DIP2C: variants seen among roughly 807,000 people sequenced by gnomAD.
DIP2C encodes disco-interacting protein 2 homolog C.
DIP2C carries 33 observed loss-of-function variants against 192.4 expected under a neutral mutation model. The observed-to-expected ratio is 0.17, with a 90% CI of 0.13 to 0.23. The LOEUF (loss-of-function observed/expected upper bound fraction) is 0.23. DIP2C is among the 10% of genes least tolerant of loss of function. The probability of loss-of-function intolerance (pLI) is 1.00; values close to 1 mark genes in which losing one functional copy is unlikely to be tolerated. For missense variants in DIP2C, 1,537 were observed against 2,110.1 expected (o/e 0.73, Z 5.32); for synonymous variants, 979 against 864.1 (o/e 1.13, Z -2.33).
chr10:493,241 T>C (rs1364006215), intron 1 of DIP2C, among the ~76,000 whole-genome samples: 1 of 152,186 alleles, frequency 6.6e-6, no homozygotes, highest in East Asian at 1.9e-4. Context: ...GCAAGCATAA[T>C]TTCTCCAGTG....
intron 1 of DIP2C, among the ~76,000 whole-genome samples, chr10:677,284 GGAAA>G (rs2119058437): frequency 6.6e-6 from 1 of 152,280 alleles, no homozygotes; most frequent in Non-Finnish European, 1.5e-5. Context: ...ACTGTGGGCA[GGAAA>G]GACACACTAG....
chr10:564,222 C>G (rs1849350992), intron 1 of DIP2C, among the ~76,000 whole-genome samples: 1 of 152,088 alleles, frequency 6.6e-6, no homozygotes, highest in Non-Finnish European at 1.5e-5. Flanking sequence ...TCCCCCCACC[C>G]CCGCACGTGG....
At chr10:378,087 T>C (rs944204025) in intron 17 of DIP2C, among the ~76,000 whole-genome samples, 4 of 152,182 alleles carry the variant, frequency 2.6e-5, no homozygotes, top group Middle Eastern at 3.2e-3. Flanking sequence ...CGCCTTGCAA[T>C]TTGTCCTTTA....
In DIP2C at chr10:580,428, C is replaced by T. The variant is rs369788710; in HGVS notation, c.86-93898G>A. 7.9e-5 allele frequency among the ~76,000 whole-genome samples: 12 copies of T among 152,254 alleles called. No individual in the cohort carries two copies. In the East Asian group the frequency reaches 2.1e-3, roughly 27 times the overall value. On this transcript the variant is annotated intron_variant, in intron 1 of 36. Transcript: ENST00000280886. ...CCCATATGGTGTATGTACACAGGTACATATATGGCGTTAAATACATGCATG... is the reference window on the plus strand; with the variant it reads ...CCCATATGGTGTATGTACACAGGTATATATATGGCGTTAAATACATGCATG...
intron 1 of DIP2C, among the ~76,000 whole-genome samples, chr10:544,509 C>CA (rs1457833574): frequency 2.6e-5 from 4 of 152,208 alleles, no homozygotes; most frequent in African/African-American, 4.8e-5. Context: ...GAGGAACTGC[C>CA]AGACTTTTCC....
At chr10:602,425 A>G (rs1852146901) in intron 1 of DIP2C, among the ~76,000 whole-genome samples, 1 of 152,188 alleles carries the variant, frequency 6.6e-6, no homozygotes, top group Non-Finnish European at 1.5e-5. Flanking sequence ...AACCTCACGC[A>G]CACTGAAGCA....
At chr10:559,278 C>T (rs1375512933) in intron 1 of DIP2C, among the ~76,000 whole-genome samples, 1 of 151,638 alleles carries the variant, frequency 6.6e-6, no homozygotes, top group African/African-American at 2.4e-5. Flanking sequence ...AGGGTCTAAC[C>T]AGGACAAGCC....
rs1447146221 is a variant in DIP2C at position 639,288 on chromosome 10, G to A, written c.85+50206C>T. Among the ~76,000 whole-genome samples, 9 of 141,780 alleles carry A rather than the reference G, an allele frequency of 6.3e-5. 1 individual carries two copies. The highest frequency in any genetic ancestry group is 2.2e-4 in the South Asian group (1 of 4,448). 93.0% of individuals were successfully genotyped at this position (141,780 alleles called of 152,430 possible). Reference sequence around the variant, plus strand: ...CGGCTCACGGTCCACACGTGGGGACGCGTCAGGTCGGGAGGGTGCTGCCCG... The same window carrying A: ...CGGCTCACGGTCCACACGTGGGGACACGTCAGGTCGGGAGGGTGCTGCCCG... On this transcript the variant is annotated intron_variant, in intron 1 of 36. Coordinates refer to ENST00000280886, the MANE Select transcript of DIP2C (RefSeq NM_014974.3).
At chr10:515,554 C>G (rs1053464739) in intron 1 of DIP2C, among the ~76,000 whole-genome samples, 1 of 152,088 alleles carries the variant, frequency 6.6e-6, no homozygotes, top group Non-Finnish European at 1.5e-5. Flanking sequence ...AAAACCCTGT[C>G]TCTACTAAAA....
At chr10:597,448 G>GCCC (rs61682022) in intron 1 of DIP2C, among the ~76,000 whole-genome samples, 1 of 152,024 alleles carries the variant, frequency 6.6e-6, no homozygotes, top group African/African-American at 2.4e-5. Context: ...ATATCCCAGT[G>GCCC]CCCCCCTACA....
chr10:509,423 C>T (rs931892055), intron 1 of DIP2C, among the ~76,000 whole-genome samples: 1 of 152,178 alleles, frequency 6.6e-6, no homozygotes, highest in African/African-American at 2.4e-5. Flanking sequence ...CCGCGCTGCT[C>T]CCCCTCCCAC....
At chr10:543,008 CAT>C (rs1430663275) in intron 1 of DIP2C, among the ~76,000 whole-genome samples, 2 of 152,238 alleles carry the variant, frequency 1.3e-5, no homozygotes, top group Admixed American at 1.3e-4. Flanking sequence ...AAAAGTCAAA[CAT>C]TGAGTGATGA....
chr10:340,889 G>A (rs749402175), intron 29 of DIP2C: 9 of 482,330 alleles, frequency 1.9e-5, no homozygotes, highest in South Asian at 1.1e-4. Context: ...CAGCACCATC[G>A]CCAGGTTTTA....
At chr10:317,130 A>C (rs1956809481) in intron 31 of DIP2C, among the ~76,000 whole-genome samples, 1 of 152,242 alleles carries the variant, frequency 6.6e-6, no homozygotes, top group Non-Finnish European at 1.5e-5. Context: ...TATGGTTGGC[A>C]TCAAATGGAT....
At chr10:596,961 G>A (rs901608665) in intron 1 of DIP2C, among the ~76,000 whole-genome samples, 5 of 152,234 alleles carry the variant, frequency 3.3e-5, no homozygotes, top group Admixed American at 1.3e-4. Context: ...TTTGTGTATC[G>A]ACCTGAGTGG....
At chr10:329,118 TGAACACTGAACACTTCA>T (rs1333525676) in intron 30 of DIP2C, among the ~76,000 whole-genome samples, 2 of 152,322 alleles carry the variant, frequency 1.3e-5, no homozygotes, top group Admixed American at 1.3e-4. Context: ...TAAGATCTTC[TGAACACTGAACACTTCA>T]GAACACTGAA....
intron 1 of DIP2C, among the ~76,000 whole-genome samples, chr10:513,474 C>T (rs999416262): frequency 2.0e-5 from 3 of 151,996 alleles, no homozygotes; most frequent in Admixed American, 1.3e-4. Context: ...CGGCCCGCGC[C>T]TCTCCTCCAC....
intron 3 of DIP2C, among the ~76,000 whole-genome samples, chr10:467,578 A>AAG (rs1281144841): frequency 1.3e-5 from 2 of 151,514 alleles, no homozygotes; most frequent in Non-Finnish European, 2.9e-5. Flanking sequence ...AAAAAAAAAA[A>AAG]AAAGAAAATG....
At chr10:315,779 G>T (rs566975816) in intron 31 of DIP2C, among the ~76,000 whole-genome samples, 2 of 151,980 alleles carry the variant, frequency 1.3e-5, no homozygotes, top group African/African-American at 4.8e-5. Flanking sequence ...TTCTCTCACC[G>T]CTCCTTCTGG....
Sources: allele counts gnomAD v4.1 joint callset (sites outside exome capture counted in the v4.1 genomes callset), GRCh38; gene constraint gnomAD v4.1.1; transcripts MANE v1.5; gene names NCBI Gene and HGNC (gene_info 2026-07-23, HGNC 2026-07-21).